MGLL: variants seen among roughly 807,000 people sequenced by gnomAD.
MGLL encodes the protein monoglyceride lipase, also known as lysophospholipase homolog.
A neutral mutation model predicts 29.1 loss-of-function variants in MGLL; 7 were observed. The observed-to-expected ratio is 0.24, with a 90% CI of 0.14 to 0.45. MGLL has a LOEUF of 0.45. Among genes scored for constraint, MGLL ranks in the 20% least tolerant of loss-of-function variants. MGLL has a pLI of 0.99. For synonymous variants in MGLL, 148 were observed against 168.3 expected (o/e 0.88, Z 0.93); for missense variants, 356 against 413.6 (o/e 0.86, Z 1.21).
At chr3:127,734,248 C>A (rs1382785259) in intron 3 of MGLL, among the ~76,000 whole-genome samples, 1 of 152,212 alleles carries the variant, frequency 6.6e-6, no homozygotes, top group African/African-American at 2.4e-5. Flanking sequence ...GAAAGTGGAT[C>A]CAGGTGCTAA....
intron 3 of MGLL, among the ~76,000 whole-genome samples, chr3:127,768,174 G>A (rs72626390): frequency 0.13 from 19,108 of 152,156 alleles, 1,239 homozygotes; most frequent in Middle Eastern, 0.17. Flanking sequence ...AATCCTTCCC[G>A]TAAAGAACAC....
At chr3:127,698,249 G>A (rs1029398730) in intron 6 of MGLL, among the ~76,000 whole-genome samples, 1 of 152,214 alleles carries the variant, frequency 6.6e-6, no homozygotes, top group African/African-American at 2.4e-5. Context: ...AGGTTGGGGA[G>A]GGCTGTACCA....
At chr3:127,718,251 G>T (rs1365116856) in intron 5 of MGLL, among the ~76,000 whole-genome samples, 3 of 152,152 alleles carry the variant, frequency 2.0e-5, no homozygotes, top group Non-Finnish European at 2.9e-5. Context: ...TGCTCTAGAA[G>T]GTGCCTGGTG....
Position 127,817,894 on chromosome 3 carries a change from A to C in MGLL, c.155+3800T>G, listed in dbSNP as rs1034438574. Among the ~76,000 whole-genome samples, 3 of 152,360 alleles carry C rather than the reference A, an allele frequency of 2.0e-5. No homozygotes were observed. In the East Asian group the frequency reaches 5.8e-4, roughly 29 times the overall value. On this transcript the variant is annotated intron_variant, in intron 2 of 7. Transcript: ENST00000265052. ...AGAGCCCACAAAGCGGCTTGCCCCCATCCATGGGCCAGTCTCCATCGCCGT... is the reference window on the plus strand; with the variant it reads ...AGAGCCCACAAAGCGGCTTGCCCCCCTCCATGGGCCAGTCTCCATCGCCGT...
At chr3:127,794,569 G>A (rs1435856083) in intron 2 of MGLL, among the ~76,000 whole-genome samples, 8 of 145,546 alleles carry the variant, frequency 5.5e-5, no homozygotes, top group African/African-American at 2.7e-5. Context: ...GTGATGTAAG[G>A]CTGTCTTCTG....
chr3:127,779,327 A>C (rs543549842), intron 3 of MGLL, among the ~76,000 whole-genome samples: 55 of 152,316 alleles, frequency 3.6e-4, no homozygotes, highest in Non-Finnish European at 7.1e-4. Flanking sequence ...AGATCACGCC[A>C]CTGCACTCCA....
At chr3:127,793,095 G>A (rs1174020580) in intron 2 of MGLL, among the ~76,000 whole-genome samples, 1 of 152,218 alleles carries the variant, frequency 6.6e-6, no homozygotes, top group African/African-American at 2.4e-5. Context: ...TGAGCCAGAT[G>A]GAACCCTTCC....
Position 127,738,070 on chromosome 3 carries a change from G to A in MGLL, c.263-15504C>T, listed in dbSNP as rs531903129. Among the ~76,000 whole-genome samples the A allele has an allele frequency of 2.8e-3, 424 of 152,202 alleles. 1 individual carries two copies. Among genetic ancestry groups the A allele is most frequent in the Non-Finnish European group, 4.6e-3 (315 of 67,998 alleles). On this transcript the variant is annotated intron_variant, in intron 3 of 7. Transcript: ENST00000265052. ...AATCCCAGCACTTTGGGAGGCCAAGGTGGGCAGATGGCTTAAACCAGGAGT... is the reference window on the plus strand; with the variant it reads ...AATCCCAGCACTTTGGGAGGCCAAGATGGGCAGATGGCTTAAACCAGGAGT...
At chr3:127,739,635 C>G (rs960435884) in intron 3 of MGLL, among the ~76,000 whole-genome samples, 2 of 152,192 alleles carry the variant, frequency 1.3e-5, no homozygotes, top group African/African-American at 4.8e-5. Context: ...GATATCAAAG[C>G]AGAGAGAAAG....
intron 2 of MGLL, among the ~76,000 whole-genome samples, chr3:127,806,513 AATGG>A (rs535637186): frequency 1.3e-5 from 2 of 151,710 alleles, no homozygotes; most frequent in Admixed American, 6.6e-5. Flanking sequence ...TGAACGAATG[AATGG>A]ATGGATGGAT....
rs868618458 is a variant in MGLL at position 127,818,948 on chromosome 3, C to T, written c.155+2746G>A. 4.6e-5 allele frequency among the ~76,000 whole-genome samples: 7 copies of T among 152,206 alleles called. 1 individual carries two copies. In the Middle Eastern group the frequency reaches 0.014, roughly 296 times the overall value. On this transcript the variant is annotated intron_variant, in intron 2 of 7. Transcript: ENST00000265052. ...CCTTAAGTATAAGATTTGTTATTAC[C>T]GTAAACACTACAGCATGAATTTGCC... is the stretch of plus-strand genomic sequence containing the variant.
rs1409123544 is a variant in MGLL at position 127,690,038 on chromosome 3, A to G, written c.*2160T>C. The G allele has an allele frequency of 1.3e-5, 2 of 152,122 alleles. No homozygotes were observed. The highest frequency in any genetic ancestry group is 2.9e-5 in the Non-Finnish European group (2 of 68,048). 9.4% of individuals were successfully genotyped at this position (152,122 alleles called of 1,614,324 possible). On this transcript the variant is annotated 3_prime_UTR_variant, in exon 8 of 8. Transcript: ENST00000265052. ...GAGTCCCTGGTCAGGCCGCATGCTGATATTCAATTTGGGGAATGGTGATGC... is the reference window on the plus strand; with the variant it reads ...GAGTCCCTGGTCAGGCCGCATGCTGGTATTCAATTTGGGGAATGGTGATGC...
chr3:127,721,274 T>A (rs2075915843), intron 4 of MGLL, 111 bp from the exon 5 acceptor site: 2 of 852,498 alleles, frequency 2.3e-6, no homozygotes, highest in South Asian at 2.8e-5. Flanking sequence ...CCAAGAGCCC[T>A]GAGGAGGACT....
Position 127,695,058 on chromosome 3 carries a change from G to A in MGLL, c.733C>T (p.Gln245Ter). The part of the protein sequence containing the change: ...PKLTVPFLLL[Q>*]GSADRLCDSK... ...TCACATAGGCGATCGGCAGAGCCCT[G>A]GAGCAGCAGGAAGGGCACAGTCAGC... The change falls in exon 7 of 8, where the codon CAG (glutamine) becomes TAG (stop). Residue 245 changes from glutamine to a stop codon, truncating the protein, a stop_gained. Coordinates refer to ENST00000265052, the MANE Select transcript of MGLL (RefSeq NM_007283.7). LOFTEE classifies it high-confidence loss of function. The A allele has an allele frequency of 1.2e-6, 2 of 1,614,118 alleles. No individual in the cohort carries two copies. Among genetic ancestry groups the A allele is most frequent in the Non-Finnish European group, 1.7e-6 (2 of 1,180,024 alleles).
At chr3:127,818,177 G>A (rs1446039158) in intron 2 of MGLL, among the ~76,000 whole-genome samples, 1 of 152,138 alleles carries the variant, frequency 6.6e-6, no homozygotes, top group East Asian at 1.9e-4. Flanking sequence ...TGGCCAGGCT[G>A]GTCTCGAACT....
At chr3:127,779,957 T>C (rs2077095062) in intron 3 of MGLL, among the ~76,000 whole-genome samples, 1 of 152,220 alleles carries the variant, frequency 6.6e-6, no homozygotes, top group Non-Finnish European at 1.5e-5. Context: ...GTTCATTTCC[T>C]GAATTAAACA....
chr3:127,781,244 G>A (rs963723319), intron 3 of MGLL, among the ~76,000 whole-genome samples: 2 of 152,218 alleles, frequency 1.3e-5, no homozygotes, highest in Admixed American at 1.3e-4. Flanking sequence ...GTGTGTGCAT[G>A]TGTATGTATA....
intron 2 of MGLL, among the ~76,000 whole-genome samples, chr3:127,790,072 T>TCCTGTG (rs1164719990): frequency 6.6e-6 from 1 of 152,208 alleles, no homozygotes; most frequent in African/African-American, 2.4e-5. Context: ...AAAAGCAGTA[T>TCCTGTG]CCTGTGGGCT....
intron 3 of MGLL, among the ~76,000 whole-genome samples, chr3:127,755,871 C>A (rs2076655552): frequency 6.6e-6 from 1 of 152,174 alleles, no homozygotes; most frequent in Non-Finnish European, 1.5e-5. Flanking sequence ...GTTTGTCTAC[C>A]CAATATCCAC....
Sources: gnomAD v4.1 joint callset for allele counts (sites outside exome capture counted in the v4.1 genomes callset) on GRCh38, gnomAD v4.1.1 for gene constraint, MANE v1.5 for transcripts, NCBI Gene and HGNC (gene_info 2026-07-23, HGNC 2026-07-21) for gene names.